Variants in AR observed in about 807,000 individuals in gnomAD.
AR encodes the protein dihydrotestosterone receptor.
Under a neutral mutation model 53.9 loss-of-function variants are expected in AR, and 8 were observed. That is an observed-to-expected ratio of 0.15 (90% confidence interval 0.09 to 0.27). The LOEUF (loss-of-function observed/expected upper bound fraction) is 0.27, where lower values mean the gene tolerates loss of function less well. AR is among the 10% of genes least tolerant of loss of function. The pLI is 1.00. For synonymous variants in AR, 359 were observed against 316.4 expected, an observed-to-expected ratio of 1.13 and a Z score of -1.43; for missense variants, 639 against 742.5, an observed-to-expected ratio of 0.86 and a Z score of 1.62.
chrX:67,709,237 G>A (rs755603430), intron 3 of AR, among the ~76,000 whole-genome samples: 1 of 112,273 alleles, frequency 8.9e-6, no homozygotes, highest in Non-Finnish European at 1.9e-5. Context: ...TGCCCCCAGA[G>A]GTGGAGTCTA....
intron 1 of AR, among the ~76,000 whole-genome samples, chrX:67,638,186 G>T (rs1925549720): frequency 9.0e-6 from 1 of 111,606 alleles, no homozygotes; most frequent in African/African-American, 3.3e-5. Context: ...AATATTCCAT[G>T]GTGTATATGT....
chrX:67,639,628 T>G (rs185316509), intron 1 of AR, among the ~76,000 whole-genome samples: 3 of 111,785 alleles, frequency 2.7e-5, no homozygotes, highest in African/African-American at 9.8e-5. Flanking sequence ...TTGTCTGTTA[T>G]TGGTGTATAG....
chrX:67,554,796 C>T (rs769576099), intron 1 of AR, among the ~76,000 whole-genome samples: 3 of 108,557 alleles, frequency 2.8e-5, no homozygotes, highest in Non-Finnish European at 3.8e-5. Context: ...ATTATCCAGG[C>T]GTTTTGGTGA....
At chrX:67,695,905 G>A in intron 3 of AR, 1 of 753,727 alleles carries the variant, frequency 1.3e-6, no homozygotes, top group South Asian at 6.8e-5. Context: ...AAGGACTTCA[G>A]GAGGGGAGTT....
intron 3 of AR, among the ~76,000 whole-genome samples, chrX:67,696,969 C>T (rs1269264003): frequency 8.9e-6 from 1 of 112,077 alleles, no homozygotes; most frequent in African/African-American, 3.2e-5. Flanking sequence ...TCAGTCTGAA[C>T]AGTCTTTAAG....
Position 67,723,894 on chromosome X carries a change from TTCTGCCTGTTATAAC to T in AR, c.*59_*73del. On this transcript the variant is annotated 3_prime_UTR_variant, in exon 8 of 8. Coordinates refer to ENST00000374690, the MANE Select transcript of AR (RefSeq NM_000044.6). ...CAGCTCATGCCCCCTTTCAGATGTC[TTCTGCCTGTTATAAC>T]TCTGCACTACTCCTCTGCAGTGCCT... is the stretch of plus-strand genomic sequence containing the variant. The T allele has an allele frequency of 8.4e-7, 1 of 1,186,596 alleles. No homozygotes were observed. The highest frequency in any genetic ancestry group is 1.1e-6 in the Non-Finnish European group (1 of 878,470).
chrX:67,696,062 G>T (rs1343144719), intron 3 of AR: 11 of 744,168 alleles, frequency 1.5e-5, no homozygotes, highest in Admixed American at 8.9e-5. Context: ...CCTTAATAAA[G>T]CCATTAATAC....
At chrX:67,673,778 G>A (rs771758694) in intron 2 of AR, among the ~76,000 whole-genome samples, 40 of 110,673 alleles carry the variant, frequency 3.6e-4, no homozygotes, top group Non-Finnish European at 7.4e-4. Context: ...TATTTTTCCA[G>A]GATTGCTATC....
At chrX:67,630,218 G>T (rs1298822558) in intron 1 of AR, among the ~76,000 whole-genome samples, 1 of 110,938 alleles carries the variant, frequency 9.0e-6, no homozygotes, top group Non-Finnish European at 1.9e-5. Flanking sequence ...TCGTTGATCT[G>T]TCTAATGTTG....
At chrX:67,650,101 G>T (rs766845862) in intron 2 of AR, among the ~76,000 whole-genome samples, 1 of 111,782 alleles carries the variant, frequency 8.9e-6, no homozygotes, top group African/African-American at 3.3e-5. Context: ...TCATGGATAG[G>T]AACAATCAAT....
At chrX:67,561,636 C>T (rs1463561188) in intron 1 of AR, among the ~76,000 whole-genome samples, 2 of 111,205 alleles carry the variant, frequency 1.8e-5, no homozygotes, top group Non-Finnish European at 3.8e-5. Flanking sequence ...AACCATGCCC[C>T]TTCAAATACC....
intron 7 of AR, among the ~76,000 whole-genome samples, chrX:67,723,308 C>CTGTGTGTGTG (rs1473926812): frequency 4.1e-4 from 6 of 14,586 alleles, no homozygotes; most frequent in African/African-American, 7.5e-4. Context: ...GTGAGTTTGT[C>CTGTGTGTGTG]TGTCTGTGTG....
intron 1 of AR, among the ~76,000 whole-genome samples, chrX:67,630,131 A>G (rs1337386469): frequency 9.0e-6 from 1 of 110,877 alleles, no homozygotes; most frequent in Non-Finnish European, 1.9e-5. Context: ...TGGGGTAGAG[A>G]GTTCTGTAGA....
chrX:67,546,585 C>A lies in AR; in HGVS notation c.1439C>A (p.Pro480His). Residue 480 changes from proline (P) to histidine (H), a missense_variant, in exon 1 of 8, where the codon CCC becomes CAC. By Grantham distance (77) the Pro-to-His change is moderately conservative. This residue lies in a region of AR where 423 missense variants were observed against 377.0 expected (regional missense o/e 1.12). Coordinates refer to ENST00000374690, the MANE Select transcript of AR (RefSeq NM_000044.6). ...GGCGGCGAGGCGGGAGCTGTAGCCC[C>A]CTACGGCTACACTCGGCCCCCTCAG... ...GGGGEAGAVA[P>H]YGYTRPPQGL... 2 of 1,160,187 alleles carry A rather than the reference C, an allele frequency of 1.7e-6. No individual in the cohort carries two copies. Among genetic ancestry groups the A allele is most frequent in the Non-Finnish European group, 2.3e-6 (2 of 869,616 alleles).
intron 4 of AR, among the ~76,000 whole-genome samples, chrX:67,712,172 C>T (rs972390727): frequency 8.9e-6 from 1 of 111,932 alleles, no homozygotes; most frequent in Non-Finnish European, 1.9e-5. Context: ...CAGAACACTT[C>T]GGGTCTGCTC....
At position 67,729,855 on chromosome X, in the gene AR, A is replaced by T; in HGVS notation, c.*6014A>T. On this transcript the variant is annotated 3_prime_UTR_variant, in exon 8 of 8. Coordinates refer to ENST00000374690, the MANE Select transcript of AR (RefSeq NM_000044.6). ...GTACTCTGCAGAGGTGACAGGCCAG[A>T]TTTGCATTATCTCACAACCTTAGCC... The T allele has an allele frequency of 5.8e-6, 1 of 173,874 alleles. No homozygotes were observed. Among genetic ancestry groups the T allele is most frequent in the East Asian group, 8.1e-5 (1 of 12,272 alleles). The allele number at this position is 173,874 out of a possible 1,213,427, so 14.3% of individuals were successfully genotyped here.
At chrX:67,619,700 G>A (rs1025732115) in intron 1 of AR, among the ~76,000 whole-genome samples, 3 of 111,133 alleles carry the variant, frequency 2.7e-5, no homozygotes, top group Admixed American at 9.6e-5. Flanking sequence ...ACTAAATGAG[G>A]TTAAAGTATG....
At chrX:67,576,371 A>G (rs1194544205) in intron 1 of AR, among the ~76,000 whole-genome samples, 1 of 110,479 alleles carries the variant, frequency 9.1e-6, no homozygotes, top group Non-Finnish European at 1.9e-5. Flanking sequence ...CCCAACTATA[A>G]CTTCTTGGCA....
chrX:67,705,905 A>G (rs933331952), intron 3 of AR, among the ~76,000 whole-genome samples: 6 of 111,772 alleles, frequency 5.4e-5, no homozygotes, highest in African/African-American at 2.0e-4. Flanking sequence ...TGAGATAATC[A>G]TGTGGTTTTT....
Sources: allele counts gnomAD v4.1 joint callset (sites outside exome capture counted in the v4.1 genomes callset), GRCh38; gene constraint gnomAD v4.1.1; regional missense constraint gnomAD v4.1.1; transcripts MANE v1.5; gene names NCBI Gene and HGNC (gene_info 2026-07-23, HGNC 2026-07-21).